Variants in KCNT2 observed in about 807,000 individuals in gnomAD.
The protein encoded by KCNT2 is potassium channel subfamily T member 2.
A neutral mutation model predicts 153.8 loss-of-function variants in KCNT2; 67 were observed. That is an observed-to-expected ratio of 0.44 (90% CI 0.36 to 0.53). The LOEUF (loss-of-function observed/expected upper bound fraction) is 0.53. Ranked by LOEUF, KCNT2 falls within the 20% of genes least tolerant of loss-of-function variation. The pLI, the probability that KCNT2 is intolerant of heterozygous loss-of-function variation, is 0.00. For missense variants in KCNT2, 975 were observed against 1,354.8 expected (o/e 0.72, Z 4.40); for synonymous variants, 500 against 458.8 (o/e 1.09, Z -1.15).
chr1:196,453,066 C>G (rs1676360834), intron 8 of KCNT2, among the ~76,000 whole-genome samples: 2 of 151,870 alleles, frequency 1.3e-5, no homozygotes, highest in South Asian at 4.2e-4. Context: ...TTGTTTTGTT[C>G]TGTTTTTGGT....
At chr1:196,315,845 T>A (rs769344756) in intron 21 of KCNT2, 47 bp downstream of exon 21, 1 of 1,527,076 alleles carries the variant, frequency 6.5e-7, no homozygotes, top group Non-Finnish European at 8.9e-7. Flanking sequence ...ATTTTACCAA[T>A]GTTTAGCACA....
At chr1:196,397,524 G>T (rs550049651) in intron 13 of KCNT2, among the ~76,000 whole-genome samples, 60 of 151,520 alleles carry the variant, frequency 4.0e-4, no homozygotes, top group African/African-American at 1.4e-3. Flanking sequence ...GAATCTCTAT[G>T]ATCAGTACTT....
intron 14 of KCNT2, among the ~76,000 whole-genome samples, 194 bp from the exon 15 acceptor site, chr1:196,342,422 A>ATATATATATATATATATATATATATATG (rs1558170528): frequency 9.9e-3 from 57 of 5,764 alleles, no homozygotes; most frequent in Non-Finnish European, 0.022. Context: ...TTTGAATACT[A>ATATATATATATATATATATATATATATG]TATATATATA....
chr1:196,433,334 C>A (rs1173741161), intron 8 of KCNT2, among the ~76,000 whole-genome samples: 1 of 151,986 alleles, frequency 6.6e-6, no homozygotes, highest in African/African-American at 2.4e-5. Flanking sequence ...AAGCCAAGTT[C>A]TGGATAAACA....
intron 26 of KCNT2, among the ~76,000 whole-genome samples, chr1:196,244,839 G>T (rs1449991680): frequency 6.6e-6 from 1 of 152,046 alleles, no homozygotes; most frequent in Non-Finnish European, 1.5e-5. Context: ...TAGAGCTCTA[G>T]GGCTTTCAGC....
intron 1 of KCNT2, among the ~76,000 whole-genome samples, chr1:196,538,525 G>C (rs769920973): frequency 1.3e-5 from 2 of 152,192 alleles, no homozygotes; most frequent in Non-Finnish European, 2.9e-5. Context: ...TGTATGTACA[G>C]CATTAGCAGT....
chr1:196,511,946 T>G (rs1681668974), intron 1 of KCNT2, among the ~76,000 whole-genome samples: 1 of 152,144 alleles, frequency 6.6e-6, no homozygotes, highest in South Asian at 2.1e-4. Flanking sequence ...GATACAACAC[T>G]TGTTAGCAAC....
chr1:196,504,339 G>A (rs1680949056), intron 1 of KCNT2, among the ~76,000 whole-genome samples: 1 of 150,636 alleles, frequency 6.6e-6, no homozygotes, highest in African/African-American at 2.4e-5. Flanking sequence ...GCGGTGTTTG[G>A]TTTTTTGTCC....
intron 13 of KCNT2, among the ~76,000 whole-genome samples, chr1:196,398,263 T>C (rs998711278): frequency 2.0e-5 from 3 of 151,508 alleles, no homozygotes; most frequent in African/African-American, 7.3e-5. Flanking sequence ...GAAATTTGTG[T>C]CTATATTATG....
chr1:196,480,430 T>C (rs1390734690), intron 4 of KCNT2, among the ~76,000 whole-genome samples: 3 of 152,178 alleles, frequency 2.0e-5, no homozygotes, highest in Non-Finnish European at 2.9e-5. Context: ...ATTATTATGA[T>C]AGAAAACGCA....
At chr1:196,438,521 C>T (rs1240579555) in intron 8 of KCNT2, among the ~76,000 whole-genome samples, 1 of 151,892 alleles carries the variant, frequency 6.6e-6, no homozygotes, top group South Asian at 2.1e-4. Flanking sequence ...CAAAGTAAAC[C>T]CATAATCTTT....
In KCNT2 at chr1:196,489,949, T is replaced by C. The variant is rs1679733879; in HGVS notation, c.176-12A>G. 1.5e-6 allele frequency: 2 copies of C among 1,311,774 alleles called. No individual in the cohort carries two copies. The highest frequency in any genetic ancestry group is 1.0e-6 in the Non-Finnish European group (1 of 955,276). 81.3% of individuals were successfully genotyped at this position (1,311,774 alleles called of 1,614,324 possible). ...GCGTATCCTTAGACCTTTAAACAAA[T>C]GATAAAAGTTTGATTTTCATCTGAA... On this transcript the variant is annotated splice_polypyrimidine_tract_variant and intron_variant, in intron 2 of 27. Coordinates refer to ENST00000294725, the MANE Select transcript of KCNT2 (RefSeq NM_198503.5).
At chr1:196,334,615 T>C (rs1210209143) in intron 16 of KCNT2, among the ~76,000 whole-genome samples, 1 of 151,660 alleles carries the variant, frequency 6.6e-6, no homozygotes, top group African/African-American at 2.4e-5. Context: ...TGTAATTGAT[T>C]TATGACCACT....
chr1:196,585,219 G>A (rs1341004832), intron 1 of KCNT2, among the ~76,000 whole-genome samples: 1 of 152,040 alleles, frequency 6.6e-6, no homozygotes, highest in East Asian at 1.9e-4. Flanking sequence ...TAGTGAGGAA[G>A]AGGCAAAAGG....
intron 18 of KCNT2, among the ~76,000 whole-genome samples, chr1:196,329,908 T>TGTG: frequency 7.2e-6 from 1 of 139,676 alleles, no homozygotes; most frequent in African/African-American, 2.7e-5. Flanking sequence ...TGTGTGTGTA[T>TGTG]TCATCTGGGC....
chr1:196,324,595 A>G (rs539580997), intron 19 of KCNT2, among the ~76,000 whole-genome samples: 33 of 152,202 alleles, frequency 2.2e-4, no homozygotes, highest in Non-Finnish European at 3.7e-4. Flanking sequence ...AATGTAAAGT[A>G]AAGTGTGTAG....
At chr1:196,510,735 C>T (rs141070527) in intron 1 of KCNT2, among the ~76,000 whole-genome samples, 1 of 152,182 alleles carries the variant, frequency 6.6e-6, no homozygotes, top group African/African-American at 2.4e-5. Context: ...TATTCTCCAG[C>T]TGCCAGCTGC....
chr1:196,252,717 T>G (rs1370516933), intron 26 of KCNT2, among the ~76,000 whole-genome samples: 1 of 151,628 alleles, frequency 6.6e-6, no homozygotes. Flanking sequence ...GGCATCATTT[T>G]TCTTCTGTTT....
At chr1:196,590,725 C>T (rs1015784121) in intron 1 of KCNT2, among the ~76,000 whole-genome samples, 5 of 152,130 alleles carry the variant, frequency 3.3e-5, no homozygotes, top group Admixed American at 6.6e-5. Flanking sequence ...GATATTTTCA[C>T]GTTACTTGGC....
Sources: gnomAD v4.1 joint callset for allele counts (sites outside exome capture counted in the v4.1 genomes callset) on GRCh38, gnomAD v4.1.1 for gene constraint, MANE v1.5 for transcripts, NCBI Gene and HGNC (gene_info 2026-07-23, HGNC 2026-07-21) for gene names.